Variants in RBFOX1 observed in about 807,000 individuals in gnomAD.
RBFOX1 encodes RNA binding protein fox-1 homolog 1.
RBFOX1 carries 8 observed loss-of-function variants against 57.7 expected under a neutral mutation model. The ratio of observed to expected loss-of-function variants is 0.14; its 90% CI spans 0.08 to 0.25. The LOEUF (loss-of-function observed/expected upper bound fraction) is 0.25, where lower values mean the gene tolerates loss of function less well. Among genes scored for constraint, RBFOX1 ranks in the 10% least tolerant of loss-of-function variants. The pLI is 1.00. For synonymous variants in RBFOX1, 326 were observed against 222.4 expected (o/e 1.47, Z -4.15); for missense variants, 611 against 548.5 (o/e 1.11, Z -1.14).
chr16:5,450,272 A>G (rs896631712), intron 1 of RBFOX1, among the ~76,000 whole-genome samples: 3 of 152,172 alleles, frequency 2.0e-5, no homozygotes, highest in Non-Finnish European at 4.4e-5. Context: ...TGAGGTAACA[A>G]GGGGGCAAGT....
intron 1 of RBFOX1, among the ~76,000 whole-genome samples, chr16:6,174,206 C>A (rs2096985407): frequency 6.6e-6 from 1 of 152,118 alleles, no homozygotes; most frequent in South Asian, 2.1e-4. Flanking sequence ...TTTTTGGTTT[C>A]AGACTGAGTG....
intron 1 of RBFOX1, among the ~76,000 whole-genome samples, chr16:6,264,909 T>C (rs2097723867): frequency 6.6e-6 from 1 of 152,182 alleles, no homozygotes; most frequent in Non-Finnish European, 1.5e-5. Context: ...GCAGTGAGCA[T>C]TGGTTGAATA....
chr16:7,630,551 G>C (rs182429237), intron 10 of RBFOX1, 52 bp from the exon 11 acceptor site: 4 of 1,609,632 alleles, frequency 2.5e-6, no homozygotes. Context: ...GATCTCTCAG[G>C]TGTAGTGTAC....
intron 2 of RBFOX1, among the ~76,000 whole-genome samples, chr16:6,606,095 C>A (rs914459462): frequency 6.6e-5 from 10 of 151,628 alleles, no homozygotes; most frequent in African/African-American, 2.2e-4. Context: ...GGTGACAGAG[C>A]GAGACTCTGT....
At chr16:7,185,719 G>T (rs1207769323) in intron 4 of RBFOX1, among the ~76,000 whole-genome samples, 1 of 152,200 alleles carries the variant, frequency 6.6e-6, no homozygotes, top group African/African-American at 2.4e-5. Flanking sequence ...ACCACTGAAA[G>T]TGGTAAATGA....
chr16:5,925,672 CATATT>C (rs1392954052), intron 4 of RBFOX1, among the ~76,000 whole-genome samples: 6 of 150,108 alleles, frequency 4.0e-5, no homozygotes, highest in African/African-American at 9.7e-5. Context: ...CACAAATATA[CATATT>C]ATATATATAT....
intron 4 of RBFOX1, among the ~76,000 whole-genome samples, chr16:7,147,802 T>C (rs1411891918): frequency 1.3e-5 from 2 of 152,166 alleles, no homozygotes; most frequent in Non-Finnish European, 2.9e-5. Flanking sequence ...GTCTTTTTGG[T>C]AGAACGATTT....
intron 3 of RBFOX1, among the ~76,000 whole-genome samples, chr16:6,939,092 C>G (rs962261424): frequency 5.3e-5 from 8 of 152,112 alleles, no homozygotes; most frequent in African/African-American, 7.2e-5. Context: ...TCATTTTACT[C>G]TTGAAGAAAC....
chr16:5,296,224 A>G (rs1281160995), intron 1 of RBFOX1, among the ~76,000 whole-genome samples: 2 of 152,170 alleles, frequency 1.3e-5, no homozygotes, highest in Admixed American at 6.5e-5. Context: ...TCGGTGTAGC[A>G]TTTTATGAAA....
At chr16:6,895,170 C>A (rs925385957) in intron 3 of RBFOX1, among the ~76,000 whole-genome samples, 5 of 151,916 alleles carry the variant, frequency 3.3e-5, no homozygotes, top group African/African-American at 1.2e-4. Context: ...TCTATATTAA[C>A]AAAATCCTCT....
chr16:5,829,417 T>G (rs2056187797), intron 3 of RBFOX1, among the ~76,000 whole-genome samples: 1 of 152,192 alleles, frequency 6.6e-6, no homozygotes, highest in South Asian at 2.1e-4. Context: ...GAGGAGGTTG[T>G]TGAAATCATC....
intron 2 of RBFOX1, among the ~76,000 whole-genome samples, chr16:6,387,589 C>G (rs939065404): frequency 8.6e-5 from 13 of 152,040 alleles, no homozygotes; most frequent in African/African-American, 2.7e-4. Flanking sequence ...AAAACAGGCA[C>G]CAGCTCAAGG....
At chr16:6,805,132 G>T (rs1237566163) in intron 3 of RBFOX1, among the ~76,000 whole-genome samples, 3 of 152,096 alleles carry the variant, frequency 2.0e-5, no homozygotes, top group Admixed American at 2.0e-4. Context: ...CAAAGATATG[G>T]AATCAACCTA....
chr16:7,284,059 A>G (rs1408138979), intron 4 of RBFOX1, among the ~76,000 whole-genome samples: 3 of 152,204 alleles, frequency 2.0e-5, no homozygotes, highest in Non-Finnish European at 4.4e-5. Flanking sequence ...AGGCCTGACT[A>G]TCTCTGTGTA....
chr16:6,115,064 T>G (rs1304631630), intron 1 of RBFOX1, among the ~76,000 whole-genome samples: 1 of 152,104 alleles, frequency 6.6e-6, no homozygotes, highest in Non-Finnish European at 1.5e-5. Flanking sequence ...GGTAGTAACT[T>G]CCAGGTGATT....
chr16:7,662,525 TTC>T (rs768191527), intron 12 of RBFOX1, among the ~76,000 whole-genome samples: 9 of 152,280 alleles, frequency 5.9e-5, no homozygotes, highest in Non-Finnish European at 1.0e-4. Flanking sequence ...ATTGTCCATC[TTC>T]TAGGTAACAA....
rs141237975 is a variant in RBFOX1, at chr16:7,700,581, C to A, written c.996-8475C>A. Among the ~76,000 whole-genome samples the A allele has an allele frequency of 2.0e-3, 303 of 152,186 alleles. 4 individuals carry two copies. Among genetic ancestry groups the A allele is most frequent in the African/African-American group, 7.1e-3 (296 of 41,520 alleles). On this transcript the variant is annotated intron_variant, in intron 14 of 15. Transcript: ENST00000550418. ...GTGATTTCAAAGCACAATAAAAATT[C>A]TTAGTGATTTTGGTAGAGCAGGAGT...
At chr16:5,369,347 T>G (rs1400639005) in intron 1 of RBFOX1, among the ~76,000 whole-genome samples, 2 of 152,212 alleles carry the variant, frequency 1.3e-5, no homozygotes, top group Non-Finnish European at 1.5e-5. Flanking sequence ...TACCTGTCCC[T>G]TAGCCGTCTT....
At chr16:5,293,415 C>G (rs1567291741) in intron 1 of RBFOX1, among the ~76,000 whole-genome samples, 1 of 152,154 alleles carries the variant, frequency 6.6e-6, no homozygotes. Context: ...CCTGCCCTGG[C>G]TGTCTTATTT....
Sources: allele counts gnomAD v4.1 joint callset (sites outside exome capture counted in the v4.1 genomes callset), GRCh38; gene constraint gnomAD v4.1.1; transcripts MANE v1.5; gene names NCBI Gene and HGNC (gene_info 2026-07-23, HGNC 2026-07-21).